SRBD1: variants seen among roughly 807,000 people sequenced by gnomAD.
SRBD1 encodes the protein S1 RNA binding domain 1.
A neutral mutation model predicts 115.3 loss-of-function variants in SRBD1; 88 were observed. That is an observed-to-expected ratio of 0.76 (90% CI 0.64 to 0.91). The LOEUF (loss-of-function observed/expected upper bound fraction) is 0.91. Among genes scored for constraint, SRBD1 ranks in the 40% least tolerant of loss-of-function variants. SRBD1 has a pLI of 0.00. For synonymous variants in SRBD1, 509 were observed against 407.7 expected (o/e 1.25, Z -2.99); for missense variants, 1,385 against 1,177.4 (o/e 1.18, Z -2.58).
intron 16 of SRBD1, among the ~76,000 whole-genome samples, chr2:45,427,513 T>TA (rs1288575199): frequency 2.0e-5 from 3 of 151,664 alleles, no homozygotes; most frequent in Non-Finnish European, 2.9e-5. Context: ...CCAACAAAGA[T>TA]AAAAAAAGAC....
At chr2:45,518,732 T>A (rs912157098) in intron 14 of SRBD1, among the ~76,000 whole-genome samples, 1 of 152,154 alleles carries the variant, frequency 6.6e-6, no homozygotes, top group East Asian at 1.9e-4. Context: ...TAACAACCTA[T>A]AAATTTTCTA....
At chr2:45,434,078 T>A (rs985977800) in intron 16 of SRBD1, among the ~76,000 whole-genome samples, 25 of 152,196 alleles carry the variant, frequency 1.6e-4, no homozygotes, top group African/African-American at 5.8e-4. Context: ...ATAAAGCATA[T>A]GGAAGGTACG....
intron 5 of SRBD1, 96 bp downstream of exon 5, chr2:45,585,512 T>A: frequency 3.0e-6 from 4 of 1,339,156 alleles, no homozygotes; most frequent in Non-Finnish European, 4.1e-6. Context: ...GGAAACAAAA[T>A]GTTGAAATTG....
chr2:45,518,704 A>G (rs948991027), intron 14 of SRBD1, among the ~76,000 whole-genome samples: 1 of 152,214 alleles, frequency 6.6e-6, no homozygotes, highest in African/African-American at 2.4e-5. Flanking sequence ...ATAGTCTGAA[A>G]AAGCACAGAT....
chr2:45,473,012 AT>A (rs1293201866), intron 16 of SRBD1, among the ~76,000 whole-genome samples: 1 of 147,846 alleles, frequency 6.8e-6, no homozygotes, highest in Non-Finnish European at 1.5e-5. Context: ...GCTGTACTTT[AT>A]TTTTTAAAGT....
At chr2:45,525,786 G>A (rs11125021) in intron 14 of SRBD1, among the ~76,000 whole-genome samples, 97,744 of 151,578 alleles carry the variant, frequency 0.64, 32,021 homozygotes, top group Non-Finnish European at 0.71. Context: ...TGTTTTATTA[G>A]GTTCTAAAAA....
rs192864978 is a variant in SRBD1, at chr2:45,596,426, T to A, written c.648+3023A>T. Among the ~76,000 whole-genome samples, 4 of 152,328 alleles carry A rather than the reference T, an allele frequency of 2.6e-5. No individual in the cohort carries two copies. In the East Asian group the frequency reaches 7.7e-4, roughly 29 times the overall value. On this transcript the variant is annotated intron_variant, in intron 4 of 20. Transcript: ENST00000263736. ...TAGGTTAACGGATTGCAGAACAAAT[T>A]TTCTTCTCTCAAAGCTCTGAAATCA...
At chr2:45,609,919 T>A (rs758595670) in intron 1 of SRBD1, among the ~76,000 whole-genome samples, 1 of 152,222 alleles carries the variant, frequency 6.6e-6, no homozygotes, top group Non-Finnish European at 1.5e-5. Context: ...TTCCATATCA[T>A]AGAACCTAGC....
In SRBD1 at chr2:45,585,728, A is replaced by G. The variant is rs1377035143; in HGVS notation, c.695T>C (p.Ile232Thr). ...TNIEPWVCAN[I>T]IRLFNDDNTI... is the part of the protein sequence containing the mutation. ...GTTATCATCATTAAAGAGACGAATG[A>G]TGTTGGCACAAACCCAAGGTTCAAT... The change falls in exon 5 of 21, where the codon ATC becomes ACC. Residue 232 changes from isoleucine (I) to threonine (T), a missense_variant. Transcript: ENST00000263736. 7 of 1,611,364 alleles carry G rather than the reference A, an allele frequency of 4.3e-6. No homozygotes were observed. The highest frequency in any genetic ancestry group is 5.9e-6 in the Non-Finnish European group (7 of 1,179,410).
At chr2:45,391,437 GAA>G (rs1423879824) in intron 20 of SRBD1, among the ~76,000 whole-genome samples, 1 of 152,156 alleles carries the variant, frequency 6.6e-6, no homozygotes, top group East Asian at 1.9e-4. Flanking sequence ...AGAAAATGGA[GAA>G]AAGAGATGTA....
At chr2:45,538,605 G>A (rs1671838301) in intron 14 of SRBD1, among the ~76,000 whole-genome samples, 1 of 152,176 alleles carries the variant, frequency 6.6e-6, no homozygotes, top group Non-Finnish European at 1.5e-5. Flanking sequence ...GACTGAAAAG[G>A]CTATGAGACC....
At chr2:45,481,270 T>C (rs1669954692) in intron 15 of SRBD1, among the ~76,000 whole-genome samples, 1 of 152,138 alleles carries the variant, frequency 6.6e-6, no homozygotes, top group African/African-American at 2.4e-5. Context: ...AGAGAGATGG[T>C]GCTACTTTCC....
chr2:45,414,775 T>TAC (rs148197281), intron 18 of SRBD1, among the ~76,000 whole-genome samples: 3 of 63,208 alleles, frequency 4.7e-5, no homozygotes, highest in Admixed American at 1.7e-4. Context: ...ATATAGTATG[T>TAC]ACACACACAC....
chr2:45,602,997 A>G (rs1674147484), intron 2 of SRBD1, among the ~76,000 whole-genome samples: 1 of 152,206 alleles, frequency 6.6e-6, no homozygotes, highest in South Asian at 2.1e-4. Context: ...ACAATCAAAC[A>G]AAAAACAGGA....
chr2:45,443,817 AAAAAAG>A (rs1027852427), intron 16 of SRBD1, among the ~76,000 whole-genome samples: 7 of 151,768 alleles, frequency 4.6e-5, no homozygotes, highest in African/African-American at 1.7e-4. Flanking sequence ...AAAAAAAAAA[AAAAAAG>A]AGGTGATAAC....
intron 16 of SRBD1, among the ~76,000 whole-genome samples, chr2:45,422,591 A>C (rs1399573376): frequency 1.3e-5 from 2 of 152,236 alleles, no homozygotes; most frequent in Non-Finnish European, 2.9e-5. Flanking sequence ...ATCATGTGAG[A>C]GGAATACAAC....
intron 14 of SRBD1, among the ~76,000 whole-genome samples, chr2:45,496,636 T>C (rs1463279687): frequency 6.6e-6 from 1 of 152,164 alleles, no homozygotes; most frequent in Admixed American, 6.5e-5. Flanking sequence ...TGTTACAATC[T>C]CAGCGAACTC....
intron 4 of SRBD1, among the ~76,000 whole-genome samples, chr2:45,590,944 G>A (rs1031179472): frequency 1.1e-4 from 16 of 151,802 alleles, no homozygotes; most frequent in African/African-American, 3.6e-4. Flanking sequence ...TTGAACCCGG[G>A]AGGCAGAGGT....
At chr2:45,601,422 TA>T (rs893516261) in intron 3 of SRBD1, among the ~76,000 whole-genome samples, 3 of 152,220 alleles carry the variant, frequency 2.0e-5, no homozygotes, top group African/African-American at 2.4e-5. Context: ...ACAACTGATG[TA>T]AAAACACCCA....
Sources: allele counts gnomAD v4.1 joint callset (sites outside exome capture counted in the v4.1 genomes callset), GRCh38; gene constraint gnomAD v4.1.1; transcripts MANE v1.5; gene names NCBI Gene and HGNC (gene_info 2026-07-23, HGNC 2026-07-21).